Variants in CHLSN observed in about 807,000 individuals in gnomAD.
CHLSN encodes protein cholesin.
the CHLSN span, chr7:988,467 G>A: frequency 1.3e-5 from 21 of 1,608,016 alleles, no homozygotes; most frequent in Admixed American, 3.4e-5. Context: ...AGGGCTCCAG[G>A]GGTGGGACGG....
chr7:1,010,931 G>A, the CHLSN span, among the ~76,000 whole-genome samples: 3 of 151,590 alleles, frequency 2.0e-5, no homozygotes, highest in African/African-American at 7.3e-5. Flanking sequence ...AGGGGCGTGG[G>A]AATCAACCAG....
At chr7:1,020,641 C>T in the CHLSN span, among the ~76,000 whole-genome samples, 1 of 152,178 alleles carries the variant, frequency 6.6e-6, no homozygotes. Context: ...GACAGTAAAC[C>T]CAGCCCTTAC....
At chr7:1,004,342 C>T in the CHLSN span, among the ~76,000 whole-genome samples, 1 of 152,148 alleles carries the variant, frequency 6.6e-6, no homozygotes, top group African/African-American at 2.4e-5. Flanking sequence ...CTGCTTTCCA[C>T]CAGCCTGTTT....
At chr7:983,193 C>T in the CHLSN span, 3 of 1,468,188 alleles carry the variant, frequency 2.0e-6, no homozygotes, top group African/African-American at 1.4e-5. Context: ...GGGAGTGGAG[C>T]CTCACCAGCC....
chr7:1,110,614 G>A, the CHLSN span, among the ~76,000 whole-genome samples: 2 of 152,248 alleles, frequency 1.3e-5, no homozygotes, highest in African/African-American at 4.8e-5. Flanking sequence ...GGAGCAGACC[G>A]GGACACGGGC....
the CHLSN span, among the ~76,000 whole-genome samples, chr7:1,084,324 G>A: frequency 0.2 from 30,639 of 152,228 alleles, 3,285 homozygotes; most frequent in African/African-American, 0.23. Flanking sequence ...AGGGGCTCTC[G>A]GCCTCCCTTG....
the CHLSN span, among the ~76,000 whole-genome samples, chr7:1,070,311 G>A: frequency 7.0e-6 from 1 of 143,118 alleles, no homozygotes; most frequent in Non-Finnish European, 1.6e-5. Context: ...GGAGGTGGGG[G>A]GTCAGCCCCC....
chr7:1,054,278 G>A, the CHLSN span, among the ~76,000 whole-genome samples: 57 of 152,346 alleles, frequency 3.7e-4, no homozygotes, highest in Non-Finnish European at 7.6e-4. Flanking sequence ...GGCTCGGCTT[G>A]TAACCTTCAC....
the CHLSN span, among the ~76,000 whole-genome samples, chr7:1,066,865 G>C: frequency 3.1e-4 from 46 of 148,096 alleles, no homozygotes; most frequent in African/African-American, 1.1e-3. Flanking sequence ...GGAGGCAGGA[G>C]TACACCCCAG....
At chr7:1,109,856 ATCTC>A in the CHLSN span, among the ~76,000 whole-genome samples, 1 of 151,950 alleles carries the variant, frequency 6.6e-6, no homozygotes, top group East Asian at 1.9e-4. Context: ...CAGCAAAGAC[ATCTC>A]TCTGTCTACC....
the CHLSN span, among the ~76,000 whole-genome samples, chr7:1,107,584 C>T: frequency 6.6e-6 from 1 of 152,250 alleles, no homozygotes; most frequent in Non-Finnish European, 1.5e-5. Context: ...GCTCAGTCAA[C>T]AAGACAGAAC....
the CHLSN span, among the ~76,000 whole-genome samples, chr7:1,094,956 G>A: frequency 6.6e-6 from 1 of 152,162 alleles, no homozygotes; most frequent in Non-Finnish European, 1.5e-5. Context: ...GGGAAGCCTG[G>A]GAACAGGGCG....
At chr7:1,008,808 G>A in the CHLSN span, among the ~76,000 whole-genome samples, 9 of 120,700 alleles carry the variant, frequency 7.5e-5, no homozygotes, top group South Asian at 5.0e-4. Context: ...GTGTATACAT[G>A]TACACACGCA....
the CHLSN span, chr7:989,135 G>C: frequency 2.6e-6 from 1 of 389,814 alleles, no homozygotes; most frequent in Non-Finnish European, 4.6e-6. Flanking sequence ...CTCCCCCCAG[G>C]GCCCCCCAGC....
At chr7:1,110,210 C>G in the CHLSN span, among the ~76,000 whole-genome samples, 34 of 152,202 alleles carry the variant, frequency 2.2e-4, no homozygotes, top group Non-Finnish European at 4.1e-4. Context: ...GCAGCCGCTC[C>G]TAGCTTCCCG....
At chr7:984,718 A>C in the CHLSN span, 1 of 1,271,498 alleles carries the variant, frequency 7.9e-7, no homozygotes. Context: ...GCTGGTGCTG[A>C]GAAGGGCCAG....
the CHLSN span, chr7:1,023,143 A>C: frequency 2.6e-6 from 1 of 381,070 alleles, no homozygotes; most frequent in Middle Eastern, 8.6e-4. The surrounding 1 kb of genome is among the most constrained non-coding windows in gnomAD (Gnocchi z 5.0). Flanking sequence ...AGGACGTTTT[A>C]AACGCGTGAG....
At chr7:1,015,419 C>T in the CHLSN span, among the ~76,000 whole-genome samples, 1 of 152,218 alleles carries the variant, frequency 6.6e-6, no homozygotes, top group Non-Finnish European at 1.5e-5. Context: ...ATCGGAGCCC[C>T]TGCAGAGGCT....
the CHLSN span, among the ~76,000 whole-genome samples, chr7:1,053,630 T>C: frequency 1.3e-5 from 2 of 152,052 alleles, no homozygotes; most frequent in Admixed American, 6.5e-5. Flanking sequence ...GAGTTCGAGA[T>C]CAGCCTGGCC....
Sources: gnomAD v4.1 joint callset for allele counts (sites outside exome capture counted in the v4.1 genomes callset) on GRCh38, gnomAD v4.1.1 for gene constraint, Gnocchi (gnomAD v3.1) non-coding constraint, MANE v1.5 for transcripts, NCBI Gene and HGNC (gene_info 2026-07-23, HGNC 2026-07-21) for gene names.